The following TSPAN14 variants were observed in gnomAD, a reference collection of about 807,000 sequenced individuals.
The protein encoded by TSPAN14 is tetraspanin-14.
TSPAN14 carries 16 observed loss-of-function variants against 36.6 expected under a neutral mutation model. The ratio of observed to expected loss-of-function variants is 0.44; its 90% confidence interval spans 0.30 to 0.66. TSPAN14 has a LOEUF of 0.66. Among genes scored for constraint, TSPAN14 ranks in the 30% least tolerant of loss-of-function variants. The pLI, the probability that TSPAN14 is intolerant of heterozygous loss-of-function variation, is 0.12. For synonymous variants in TSPAN14, 139 were observed against 143.8 expected (o/e 0.97, Z 0.24); for missense variants, 231 against 355.1 (o/e 0.65, Z 2.81).
chr10:80,482,732 CTTT>C (rs34769982), intron 1 of TSPAN14, among the ~76,000 whole-genome samples: 11 of 110,502 alleles, frequency 1.0e-4, no homozygotes, highest in African/African-American at 3.1e-4. Flanking sequence ...TTTTCTTTTC[CTTT>C]TTTTTTTTTT....
At chr10:80,478,359 AAATT>A in intron 1 of TSPAN14, among the ~76,000 whole-genome samples, 1 of 152,302 alleles carries the variant, frequency 6.6e-6, no homozygotes, top group African/African-American at 2.4e-5. Flanking sequence ...AAAGGTAAGA[AAATT>A]AAAGCATCAG....
chr10:80,486,055 G>A (rs979122664), intron 1 of TSPAN14, among the ~76,000 whole-genome samples: 2 of 152,122 alleles, frequency 1.3e-5, no homozygotes, highest in Admixed American at 6.5e-5. Flanking sequence ...GTGTAGTTTC[G>A]AGTGTTGATG....
intron 1 of TSPAN14, chr10:80,485,842 A>G (rs1847562549): frequency 2.8e-6 from 1 of 353,480 alleles, no homozygotes; most frequent in Non-Finnish European, 4.0e-6. Flanking sequence ...TGGGGGAAAA[A>G]GTGTCACTGG....
intron 1 of TSPAN14, among the ~76,000 whole-genome samples, chr10:80,456,476 G>T (rs1055962511): frequency 1.3e-5 from 2 of 152,216 alleles, no homozygotes; most frequent in African/African-American, 4.8e-5. Flanking sequence ...TGTGGCGGCA[G>T]TGAAGTGAAG....
chr10:80,458,628 T>C (rs749437789), intron 1 of TSPAN14, among the ~76,000 whole-genome samples: 65 of 152,328 alleles, frequency 4.3e-4, no homozygotes, highest in Non-Finnish European at 8.4e-4. Context: ...CTGCGTAGAA[T>C]GAAGTTTTGA....
rs1342668477 is a variant in TSPAN14, at chr10:80,509,438, T to G, written c.417T>G (p.Asp139Glu). 2 of 1,613,946 alleles carry G rather than the reference T, an allele frequency of 1.2e-6. No individual in the cohort carries two copies. The highest frequency in any genetic ancestry group is 1.7e-6 in the Non-Finnish European group (2 of 1,180,032). ...TCAAGTCCTACCGGGACGATATCGATCTGCAAAACCTCATCGACTCCCTTC... is the reference window on the plus strand; with the variant it reads ...TCAAGTCCTACCGGGACGATATCGAGCTGCAAAACCTCATCGACTCCCTTC... The change falls in exon 5 of 9, where the codon GAT becomes GAG. Residue 139 changes from aspartate (D) to glutamate (E), a missense_variant. By Grantham distance (45) the Asp-to-Glu change is conservative. Coordinates refer to ENST00000429989, the Ensembl canonical transcript of TSPAN14. The surrounding 1 kb of genome is among the most constrained non-coding windows in gnomAD (Gnocchi z 4.7).
chr10:80,477,574 A>G (rs1294592104), intron 1 of TSPAN14, among the ~76,000 whole-genome samples: 4 of 152,214 alleles, frequency 2.6e-5, no homozygotes, highest in Non-Finnish European at 5.9e-5. Flanking sequence ...AGTGGATGGC[A>G]TGAGATTTTT....
At chr10:80,482,250 A>G (rs530996934) in intron 1 of TSPAN14, among the ~76,000 whole-genome samples, 25 of 152,330 alleles carry the variant, frequency 1.6e-4, no homozygotes, top group African/African-American at 5.8e-4. Flanking sequence ...GCAAATCTAC[A>G]ATGCACGGCA....
chr10:80,478,536 C>T (rs1228253512), intron 1 of TSPAN14, among the ~76,000 whole-genome samples: 1 of 152,162 alleles, frequency 6.6e-6, no homozygotes, highest in Non-Finnish European at 1.5e-5. Flanking sequence ...CAGACCCAGA[C>T]TAGTACCCTC....
At chr10:80,476,160 C>T (rs907932474) in intron 1 of TSPAN14, among the ~76,000 whole-genome samples, 2 of 152,044 alleles carry the variant, frequency 1.3e-5, no homozygotes, top group Non-Finnish European at 2.9e-5. Context: ...TTGCTTGAGC[C>T]CAGGAGTTCG....
intron 1 of TSPAN14, among the ~76,000 whole-genome samples, chr10:80,472,631 T>G (rs1166997416): frequency 6.6e-6 from 1 of 152,240 alleles, no homozygotes; most frequent in Non-Finnish European, 1.5e-5. Context: ...TTTAATTCCA[T>G]AATTCCTTCT....
At chr10:80,517,979 A>G in exon 9 of TSPAN14, 1 of 1,556,818 alleles carries the variant, frequency 6.4e-7, no homozygotes, top group Non-Finnish European at 8.7e-7. Flanking sequence ...ACTTCTGAGG[A>G]GCAGAGTTGA....
chr10:80,455,734 A>G (rs1005471656), intron 1 of TSPAN14, among the ~76,000 whole-genome samples: 34 of 152,102 alleles, frequency 2.2e-4, no homozygotes, highest in Non-Finnish European at 2.4e-4. Flanking sequence ...AATGAAGCCC[A>G]GACTCCACCA....
At chr10:80,493,833 TGGA>T (rs2132021545) in intron 2 of TSPAN14, among the ~76,000 whole-genome samples, 1 of 152,328 alleles carries the variant, frequency 6.6e-6, no homozygotes, top group Admixed American at 6.5e-5. Flanking sequence ...AGGCGTACAC[TGGA>T]GGAGTGGCAT....
chr10:80,493,215 C>T (rs761696050), intron 2 of TSPAN14, among the ~76,000 whole-genome samples: 2 of 152,222 alleles, frequency 1.3e-5, no homozygotes, highest in Non-Finnish European at 2.9e-5. Context: ...TACCACTTCA[C>T]ACCCATTGGG....
At chr10:80,476,120 CA>C (rs1314416066) in intron 1 of TSPAN14, among the ~76,000 whole-genome samples, 2 of 152,172 alleles carry the variant, frequency 1.3e-5, no homozygotes, top group African/African-American at 4.8e-5. Context: ...GCTTATAATA[CA>C]AGCATGTTGG....
intron 2 of TSPAN14, 29 bp from the exon 3 acceptor site, chr10:80,504,699 T>G (rs766386955): frequency 6.2e-7 from 1 of 1,613,970 alleles, no homozygotes; most frequent in Non-Finnish European, 8.5e-7. Context: ...CAACCTAACT[T>G]CCTTCTCTCT....
intron 8 of TSPAN14, 82 bp downstream of exon 8, chr10:80,516,405 A>T: frequency 6.3e-7 from 1 of 1,590,198 alleles, no homozygotes; most frequent in Non-Finnish European, 8.6e-7. Context: ...GCATGGGTCC[A>T]GTTTGGGTAT....
At chr10:80,512,403 C>T (rs944008390) in intron 6 of TSPAN14, 134 bp downstream of exon 6, 1 of 1,306,396 alleles carries the variant, frequency 7.7e-7, no homozygotes, top group Admixed American at 2.7e-5. Context: ...TCCACACCCT[C>T]CTCAAGGCTG....
Sources: allele counts gnomAD v4.1 joint callset (sites outside exome capture counted in the v4.1 genomes callset), GRCh38; gene constraint gnomAD v4.1.1; non-coding constraint Gnocchi (gnomAD v3.1); transcripts MANE v1.5; gene names NCBI Gene and HGNC (gene_info 2026-07-23, HGNC 2026-07-21).